GPC6: variants seen among roughly 807,000 people sequenced by gnomAD.
GPC6 encodes glypican 6, also known as glypican-6.
In GPC6, 14 loss-of-function variants were observed where a neutral mutation model predicts 55.2. The ratio of observed to expected loss-of-function variants is 0.25; its 90% confidence interval spans 0.17 to 0.40. The LOEUF (loss-of-function observed/expected upper bound fraction) is 0.40, where lower values mean the gene tolerates loss of function less well. Among genes scored for constraint, GPC6 ranks in the 10% least tolerant of loss-of-function variants. GPC6 has a pLI of 1.00. For synonymous variants in GPC6, 278 were observed against 259.6 expected (o/e 1.07, Z -0.68); for missense variants, 641 against 708.5 (o/e 0.90, Z 1.08).
In GPC6 at chr13:94,300,214, T is replaced by G. The variant is rs75526428; in HGVS notation, c.1009-5766T>G. ...TACCTGCAGCCACTGCTTTTCAGGT[T>G]ACCAGTAGTGACTTTTTAAATGTAT... is the stretch of plus-strand genomic sequence containing the variant. On this transcript the variant is annotated intron_variant, in intron 5 of 8. Transcript: ENST00000377047. 1.0e-2 allele frequency among the ~76,000 whole-genome samples: 1,522 copies of G among 152,272 alleles called. 21 individuals carry two copies. The highest frequency in any genetic ancestry group is 1.0e-2 in the Non-Finnish European group (680 of 68,022).
chr13:93,225,977 T>C (rs1312162260), upstream of GPC6, among the ~76,000 whole-genome samples: 3 of 152,218 alleles, frequency 2.0e-5, no homozygotes, highest in Non-Finnish European at 2.9e-5. Flanking sequence ...CAGCTGACTT[T>C]AGTGCGTCCA....
intron 2 of GPC6, among the ~76,000 whole-genome samples, chr13:93,700,785 A>G (rs1296317437): frequency 1.3e-5 from 2 of 152,096 alleles, no homozygotes; most frequent in Non-Finnish European, 2.9e-5. Flanking sequence ...CAAAGCAAGG[A>G]TATCATCAAG....
intron 4 of GPC6, among the ~76,000 whole-genome samples, chr13:94,120,609 TTC>T (rs1273954452): frequency 2.0e-5 from 3 of 152,070 alleles, no homozygotes; most frequent in African/African-American, 4.8e-5. Flanking sequence ...TGAGAAAACA[TTC>T]TGTTTTGCTT....
intron 3 of GPC6, among the ~76,000 whole-genome samples, chr13:93,941,904 A>G (rs1380331876): frequency 6.6e-6 from 1 of 152,204 alleles, no homozygotes. Context: ...TAACTTTCCT[A>G]TGGTGCAAAA....
intron 1 of GPC6, among the ~76,000 whole-genome samples, chr13:93,376,206 T>A (rs978457393): frequency 6.6e-6 from 1 of 152,120 alleles, no homozygotes; most frequent in Non-Finnish European, 1.5e-5. Context: ...TATCAGTCTG[T>A]ATCTTGGATG....
intron 2 of GPC6, among the ~76,000 whole-genome samples, chr13:93,635,863 C>A (rs539587325): frequency 2.0e-5 from 3 of 152,120 alleles, no homozygotes; most frequent in Non-Finnish European, 4.4e-5. Flanking sequence ...ACAGAGCCTG[C>A]GGTTTGTAGT....
chr13:94,186,110 T>C (rs1279218687), intron 4 of GPC6, among the ~76,000 whole-genome samples: 3 of 144,564 alleles, frequency 2.1e-5, no homozygotes, highest in Non-Finnish European at 4.6e-5. Context: ...TATTTTAAGA[T>C]ATATGTTCAC....
chr13:93,299,588 ATT>A (rs1236534479), intron 1 of GPC6, among the ~76,000 whole-genome samples: 2 of 152,206 alleles, frequency 1.3e-5, no homozygotes, highest in Non-Finnish European at 2.9e-5. Flanking sequence ...GGATTCTTCT[ATT>A]AAGAGTTAAA....
intron 3 of GPC6, among the ~76,000 whole-genome samples, chr13:93,931,738 T>G (rs1425300283): frequency 1.6e-5 from 2 of 125,086 alleles, no homozygotes; most frequent in Non-Finnish European, 1.6e-5. Context: ...CACTCCAGCC[T>G]GGGAGACAGA....
chr13:94,188,404 G>C (rs1204657604), intron 4 of GPC6, among the ~76,000 whole-genome samples: 2 of 152,128 alleles, frequency 1.3e-5, no homozygotes, highest in Non-Finnish European at 2.9e-5. Flanking sequence ...GGTACCATCT[G>C]TATAGGGGAA....
intron 2 of GPC6, among the ~76,000 whole-genome samples, chr13:93,791,820 T>C (rs991879489): frequency 6.6e-6 from 1 of 152,232 alleles, no homozygotes; most frequent in Admixed American, 6.5e-5. Flanking sequence ...GTTTAGATTG[T>C]GATATTGAAA....
At chr13:93,352,877 T>A (rs1192357019) in intron 1 of GPC6, among the ~76,000 whole-genome samples, 2 of 152,108 alleles carry the variant, frequency 1.3e-5, no homozygotes, top group East Asian at 3.9e-4. Context: ...TGGGCAGAGA[T>A]AAAATCAAGA....
At chr13:93,935,545 G>A (rs1366473071) in intron 3 of GPC6, among the ~76,000 whole-genome samples, 4 of 152,128 alleles carry the variant, frequency 2.6e-5, no homozygotes, top group Admixed American at 2.6e-4. Flanking sequence ...ATTGTGAATA[G>A]TGCTGTGATG....
intron 1 of GPC6, among the ~76,000 whole-genome samples, chr13:93,432,369 G>A (rs571653925): frequency 1.3e-5 from 2 of 152,234 alleles, no homozygotes; most frequent in South Asian, 2.1e-4. Context: ...ATGGCAAACC[G>A]AGCATCAGCA....
rs1005615097 is a variant in GPC6 at position 93,931,114 on chromosome 13, C to A, written c.712-96615C>A. 5.3e-4 allele frequency among the ~76,000 whole-genome samples: 81 copies of A among 152,262 alleles called. 1 individual carries two copies. Among genetic ancestry groups the A allele is most frequent in the African/African-American group, 1.9e-3 (79 of 41,552 alleles). ...AGCGATCCAGTCACCTCCCACCAGG[C>A]CCCACCTCTAACACTGGGGATTACA... On this transcript the variant is annotated intron_variant, in intron 3 of 8. Coordinates refer to ENST00000377047, the MANE Select transcript of GPC6 (RefSeq NM_005708.5).
intron 1 of GPC6, among the ~76,000 whole-genome samples, chr13:93,234,752 AG>A (rs1366619595): frequency 3.9e-5 from 6 of 152,008 alleles, no homozygotes; most frequent in African/African-American, 1.2e-4. Flanking sequence ...GAGAGAAGTA[AG>A]TGTCCCAGAA....
intron 2 of GPC6, among the ~76,000 whole-genome samples, chr13:93,630,907 A>G (rs1299004921): frequency 6.6e-6 from 1 of 152,166 alleles, no homozygotes; most frequent in Non-Finnish European, 1.5e-5. Flanking sequence ...ATTTGAAGAT[A>G]GGCCCTTTAA....
intron 3 of GPC6, among the ~76,000 whole-genome samples, chr13:94,001,503 T>C (rs1359184647): frequency 6.6e-6 from 1 of 152,158 alleles, no homozygotes; most frequent in Non-Finnish European, 1.5e-5. Context: ...AATTCTTATA[T>C]GAATATAGGC....
At chr13:93,575,164 C>T (rs1876597619) in intron 2 of GPC6, among the ~76,000 whole-genome samples, 2 of 152,066 alleles carry the variant, frequency 1.3e-5, no homozygotes, top group Admixed American at 6.6e-5. Context: ...TGTGATGGTG[C>T]ATGCCTGTAG....
Sources: gnomAD v4.1 joint callset for allele counts (sites outside exome capture counted in the v4.1 genomes callset) on GRCh38, gnomAD v4.1.1 for gene constraint, MANE v1.5 for transcripts, NCBI Gene and HGNC (gene_info 2026-07-23, HGNC 2026-07-21) for gene names.